Variants in SNX18 observed in about 807,000 individuals in gnomAD.
SNX18 encodes the protein sorting nexin-18.
SNX18 carries 35 observed loss-of-function variants against 48.7 expected under a neutral mutation model. The observed-to-expected ratio is 0.72, with a 90% CI of 0.55 to 0.95. SNX18 has a LOEUF of 0.95. SNX18 is among the 40% of genes least tolerant of loss of function. The pLI, the probability that SNX18 is intolerant of heterozygous loss-of-function variation, is 0.00. For synonymous variants in SNX18, 492 were observed against 384.7 expected, an observed-to-expected ratio of 1.28 and a Z score of -3.26; for missense variants, 824 against 871.0, an observed-to-expected ratio of 0.95 and a Z score of 0.68.
Position 54,526,168 on chromosome 5 carries a change from G to A in SNX18, c.1621+6595G>A, listed in dbSNP as rs532209979. ...CACCTAGGCTGCAGTGCAGTGATGC[G>A]ATCTCGGCTCACTGCAACCTCTGCC... On this transcript the variant is annotated intron_variant, in intron 1 of 1. Coordinates refer to ENST00000381410, the MANE Select transcript of SNX18 (RefSeq NM_001102575.2). 2.0e-5 allele frequency among the ~76,000 whole-genome samples: 3 copies of A among 152,268 alleles called. No individual in the cohort carries two copies. The South Asian group carries it at 6.2e-4, about 32-fold the overall frequency.
the SNX18 span, among the ~76,000 whole-genome samples, chr5:54,584,046 CTTTTTTTTTTT>C: frequency 9.0e-6 from 1 of 110,650 alleles, no homozygotes; most frequent in Non-Finnish European, 1.8e-5. Context: ...GTGTGTAGCT[CTTTTTTTTTTT>C]TTTTTTTTTT....
chr5:54,561,870 A>G, the SNX18 span, among the ~76,000 whole-genome samples: 1 of 152,232 alleles, frequency 6.6e-6, no homozygotes, highest in Non-Finnish European at 1.5e-5. Flanking sequence ...AACAGGAAGC[A>G]GATATACAAT....
At chr5:54,633,045 T>C in the SNX18 span, among the ~76,000 whole-genome samples, 2 of 152,256 alleles carry the variant, frequency 1.3e-5, no homozygotes, top group South Asian at 4.1e-4. Context: ...AGTGCTGGGA[T>C]TACAGGTGAG....
At chr5:54,540,992 T>A (rs1253179412) in intron 1 of SNX18, among the ~76,000 whole-genome samples, 1 of 152,206 alleles carries the variant, frequency 6.6e-6, no homozygotes, top group Non-Finnish European at 1.5e-5. Flanking sequence ...TTCCTTTAGT[T>A]TTACCTGTTA....
the SNX18 span, among the ~76,000 whole-genome samples, chr5:54,576,703 C>T: frequency 1.3e-5 from 2 of 152,240 alleles, no homozygotes; most frequent in African/African-American, 4.8e-5. Flanking sequence ...AAGGATCATT[C>T]CCAGCCTCCT....
the SNX18 span, among the ~76,000 whole-genome samples, chr5:54,584,296 C>T: frequency 6.6e-6 from 1 of 152,036 alleles, no homozygotes; most frequent in African/African-American, 2.4e-5. Flanking sequence ...AGTCCGCGTG[C>T]CTCAGCCTCC....
At chr5:54,632,539 A>G in the SNX18 span, among the ~76,000 whole-genome samples, 2 of 152,296 alleles carry the variant, frequency 1.3e-5, no homozygotes, top group South Asian at 4.1e-4. Flanking sequence ...GGCTGCATGC[A>G]GGACATTGCA....
the SNX18 span, among the ~76,000 whole-genome samples, chr5:54,613,590 C>A: frequency 2.0e-5 from 3 of 152,272 alleles, no homozygotes; most frequent in African/African-American, 7.2e-5. Flanking sequence ...CAAACCCAAG[C>A]AGGAATTTAA....
intron 1 of SNX18, among the ~76,000 whole-genome samples, chr5:54,541,217 A>G (rs1561121977): frequency 3.3e-5 from 5 of 151,646 alleles, no homozygotes; most frequent in Admixed American, 2.0e-4. Flanking sequence ...TAGTAGAGAC[A>G]GGGTTTCACC....
chr5:54,530,334 A>C (rs1762229482), intron 1 of SNX18, among the ~76,000 whole-genome samples: 1 of 152,104 alleles, frequency 6.6e-6, no homozygotes, highest in African/African-American at 2.4e-5. Context: ...AACTCCCCCA[A>C]AGTGGTGTCA....
At chr5:54,539,581 CT>C (rs1186314465) in intron 1 of SNX18, among the ~76,000 whole-genome samples, 1 of 152,066 alleles carries the variant, frequency 6.6e-6, no homozygotes, top group Non-Finnish European at 1.5e-5. Flanking sequence ...CAGAATTGTG[CT>C]TCATGGACCT....
the SNX18 span, among the ~76,000 whole-genome samples, chr5:54,596,668 G>A: frequency 5.3e-5 from 8 of 152,302 alleles, no homozygotes; most frequent in South Asian, 1.0e-3. Context: ...CCAACTGGCT[G>A]TTCTGTACCC....
rs1762500936 is a variant in SNX18, at chr5:54,543,030, G to A, written c.1622-149G>A. ...CAGATTCCTTCTTTTTTTAAAATGA[G>A]TAATTATGGTCCTCACTTTAAATTT... On this transcript the variant is annotated intron_variant, in intron 1 of 1. Coordinates refer to ENST00000381410, the MANE Select transcript of SNX18 (RefSeq NM_001102575.2). 2.9e-5 allele frequency: 21 copies of A among 735,660 alleles called. 1 individual carries two copies. The South Asian group carries it at 4.5e-4, about 16-fold the overall frequency. 45.6% of individuals were successfully genotyped at this position (735,660 alleles called of 1,614,324 possible).
the SNX18 span, among the ~76,000 whole-genome samples, chr5:54,612,319 C>T: frequency 8.0e-5 from 12 of 150,614 alleles, no homozygotes; most frequent in Non-Finnish European, 1.8e-4. Context: ...AGTACAATGT[C>T]GTGGTCTTGG....
chr5:54,604,619 G>T, the SNX18 span, among the ~76,000 whole-genome samples: 12 of 152,166 alleles, frequency 7.9e-5, no homozygotes, highest in African/African-American at 2.9e-4. Context: ...GGAGAAGCAG[G>T]TAATAGGGTG....
chr5:54,534,062 T>G (rs1300373131), intron 1 of SNX18, among the ~76,000 whole-genome samples: 1 of 151,988 alleles, frequency 6.6e-6, no homozygotes, highest in African/African-American at 2.4e-5. Context: ...ACAGGCCGAG[T>G]CCAGTCTTGA....
chr5:54,643,056 T>C, the SNX18 span, among the ~76,000 whole-genome samples: 1 of 152,140 alleles, frequency 6.6e-6, no homozygotes, highest in Non-Finnish European at 1.5e-5. Context: ...GATCTCTATT[T>C]TAACATTAAT....
intron 1 of SNX18, among the ~76,000 whole-genome samples, chr5:54,527,251 A>G (rs1363181469): frequency 6.6e-6 from 1 of 152,082 alleles, no homozygotes; most frequent in East Asian, 1.9e-4. Context: ...GTGGCAGTCA[A>G]AGGTGGATGG....
rs762545075 is a variant in SNX18, at chr5:54,518,588, G to T, written c.636G>T (p.Pro212=). The T allele has an allele frequency of 4.4e-6, 7 of 1,581,014 alleles. No individual in the cohort carries two copies. The highest frequency in any genetic ancestry group is 3.4e-4 in the Middle Eastern group (2 of 5,876). The change falls in exon 1 of 2, where the codon CCG becomes CCT. Residue 212 remains proline (P), a synonymous_variant. Transcript: ENST00000381410. ...GTTCCCGCGGCGGCTCGGTCCCCCC[G>T]CAGCACCACCCGTCGGGGCCCAAGA... ...SLGSRGGSVP[P]QHHPSGPKSS... is the part of the protein sequence containing the mutation.
Sources: allele counts gnomAD v4.1 joint callset (sites outside exome capture counted in the v4.1 genomes callset), GRCh38; gene constraint gnomAD v4.1.1; transcripts MANE v1.5; gene names NCBI Gene and HGNC (gene_info 2026-07-23, HGNC 2026-07-21).